PDE4DIP: variants seen among roughly 807,000 people sequenced by gnomAD.
PDE4DIP encodes myomegalin.
A neutral mutation model predicts 221.4 loss-of-function variants in PDE4DIP; 59 were observed. The observed-to-expected ratio is 0.27, with a 90% confidence interval of 0.22 to 0.33. The LOEUF (loss-of-function observed/expected upper bound fraction) is 0.33, where lower values mean the gene tolerates loss of function less well. PDE4DIP is among the 10% of genes least tolerant of loss of function. The probability of loss-of-function intolerance (pLI) is 1.00; values close to 1 mark genes in which losing one functional copy is unlikely to be tolerated. For synonymous variants in PDE4DIP, 404 were observed against 815.9 expected (o/e 0.50, Z 8.60); for missense variants, 1,036 against 2,154.2 (o/e 0.48, Z 10.28).
In PDE4DIP at chr1:149,029,781, A is replaced by T; in HGVS notation, c.6814-6A>T. 1 of 1,421,208 alleles carries T rather than the reference A, an allele frequency of 7.0e-7. No individual in the cohort carries two copies. The highest frequency in any genetic ancestry group is 1.2e-5 in the South Asian group (1 of 86,184). 88.0% of individuals were successfully genotyped at this position (1,421,208 alleles called of 1,614,324 possible). ...TGGTCAGTAAGAGTCTGTTCCTCTT[A>T]TCCAGGGAGAATCAACAGAAAGGGA... On this transcript the variant is annotated splice_region_variant and splice_polypyrimidine_tract_variant and intron_variant, in intron 41 of 43. Transcript: ENST00000369354.
At chr1:148,817,924 C>A (rs1358814009) in intron 1 of PDE4DIP, among the ~76,000 whole-genome samples, 1 of 141,586 alleles carries the variant, frequency 7.1e-6, no homozygotes, top group East Asian at 2.0e-4. Context: ...ACAAGCAATT[C>A]TCCTGTCTCA....
At chr1:149,009,857 C>T (rs1413427994) in intron 30 of PDE4DIP, 66 bp downstream of exon 33, 1 of 1,132,342 alleles carries the variant, frequency 8.8e-7, no homozygotes, top group Non-Finnish European at 1.3e-6. Context: ...GGAAACAGGG[C>T]TTATAGCTCC....
chr1:148,954,868 T>A (rs2054772271), intron 5 of PDE4DIP, among the ~76,000 whole-genome samples: 2 of 152,258 alleles, frequency 1.3e-5, no homozygotes, highest in Admixed American at 1.3e-4. Context: ...GTAGATGTGA[T>A]CTAGAAGGCA....
chr1:148,942,280 CT>C (rs1468507416), intron 5 of PDE4DIP: 4 of 151,596 alleles, frequency 2.6e-5, no homozygotes, highest in South Asian at 4.2e-4. Flanking sequence ...AAGACAGACA[CT>C]TTTGATAAAG....
Position 148,945,632 on chromosome 1 carries a change from G to A in PDE4DIP, c.636+7768G>A, listed in dbSNP as rs369212286. Among the ~76,000 whole-genome samples the A allele has an allele frequency of 3.0e-3, 449 of 152,192 alleles. 3 individuals carry two copies. The highest frequency in any genetic ancestry group is 0.01 in the African/African-American group (416 of 41,510). On this transcript the variant is annotated intron_variant, in intron 5 of 43. Transcript: ENST00000369354. ...TAGGACTGAGCACCAATGAACAAAAGTTCATAGTGTATGACTCTTAGTTCA... is the reference window on the plus strand; with the variant it reads ...TAGGACTGAGCACCAATGAACAAAAATTCATAGTGTATGACTCTTAGTTCA...
chr1:148,929,378 C>A, intron 2 of PDE4DIP, 105 bp downstream of exon 5: 2 of 1,435,014 alleles, frequency 1.4e-6, no homozygotes, highest in Non-Finnish European at 1.9e-6. Flanking sequence ...GCATTTGAAT[C>A]CTGTATCTGA....
intron 33 of PDE4DIP, 194 bp from the exon 37 acceptor site, chr1:149,017,554 T>C (rs2071101194): frequency 4.0e-6 from 2 of 495,186 alleles, no homozygotes; most frequent in Non-Finnish European, 7.1e-6. Context: ...GTGACTGTCA[T>C]GTGTTTGAAA....
chr1:148,975,268 A>C (rs587695200), intron 17 of PDE4DIP, among the ~76,000 whole-genome samples: 41 of 147,562 alleles, frequency 2.8e-4, no homozygotes, highest in Non-Finnish European at 4.0e-4. Flanking sequence ...AGATCCGTGA[A>C]ATTAGATTTA....
chr1:148,929,271 A>T, exon 2 of PDE4DIP: 8 of 1,609,982 alleles, frequency 5.0e-6, no homozygotes, highest in Non-Finnish European at 5.9e-6. Context: ...TGGATAAAAC[A>T]TGGTAAGTTG....
rs76075267 is a variant in PDE4DIP at position 149,031,800 on chromosome 1, C to T, written c.7000-144C>T. The T allele has an allele frequency of 3.6e-4, 270 of 746,620 alleles. 1 individual carries two copies. The highest frequency in any genetic ancestry group is 3.5e-3 in the East Asian group (132 of 37,308). 46.2% of individuals were successfully genotyped at this position (746,620 alleles called of 1,614,324 possible). A position where few individuals can be genotyped will look rare whatever the true frequency, so the allele number is the denominator to read the frequency against. ...CACCTGTTGCTCCTCCAGACTGCAG[C>T]GCATGCTCTTAGCTCATCCTCTTAA... On this transcript the variant is annotated intron_variant, in intron 43 of 43. Coordinates refer to ENST00000369354, the Ensembl canonical transcript of PDE4DIP.
In PDE4DIP at chr1:148,998,108, T is replaced by C. The variant is rs782678213; in HGVS notation, c.2905-35T>C. On this transcript the variant is annotated intron_variant, in intron 22 of 43. Coordinates refer to ENST00000369354, the Ensembl canonical transcript of PDE4DIP. ...CATGTTTCTCTTGGGTCCTCTTTAATGGCCTAACTTCTTCAAACCATGATT... is the reference window on the plus strand; with the variant it reads ...CATGTTTCTCTTGGGTCCTCTTTAACGGCCTAACTTCTTCAAACCATGATT... 7 of 831,796 alleles carry C rather than the reference T, an allele frequency of 8.4e-6. No homozygotes were observed. In the East Asian group the frequency reaches 1.2e-4, roughly 15 times the overall value. The allele number at this position is 831,796 out of a possible 1,614,324, so 51.5% of individuals were successfully genotyped here. A position where few individuals can be genotyped will look rare whatever the true frequency, so the allele number is the denominator to read the frequency against.
chr1:149,030,110 T>C lies in PDE4DIP; in HGVS notation c.6953-122T>C, dbSNP rs1233011584. On this transcript the variant is annotated intron_variant, in intron 42 of 43. Transcript: ENST00000369354. The stretch of plus-strand genomic sequence containing the variant: ...GAGGGAGGGGAGGACAGGGGGTGGA[T>C]AGAAGGAGACTCCAAGCTGAATAGC... 5 of 931,928 alleles carry C rather than the reference T, an allele frequency of 5.4e-6. No individual in the cohort carries two copies. In the Admixed American group the frequency reaches 1.0e-4, roughly 19 times the overall value. 57.7% of individuals were successfully genotyped at this position (931,928 alleles called of 1,614,324 possible). A position where few individuals can be genotyped will look rare whatever the true frequency, so the allele number is the denominator to read the frequency against.
chr1:148,816,300 AAAG>A (rs1667756047), intron 1 of PDE4DIP, among the ~76,000 whole-genome samples: 1 of 151,772 alleles, frequency 6.6e-6, no homozygotes, highest in African/African-American at 2.4e-5. Context: ...TTGGGTTGCA[AAAG>A]AAGAGGGATT....
intron 1 of PDE4DIP, among the ~76,000 whole-genome samples, chr1:148,827,820 A>G (rs1187083335): frequency 1.4e-5 from 1 of 72,318 alleles, no homozygotes; most frequent in African/African-American, 4.0e-5. Flanking sequence ...CAACTTTACT[A>G]TATGTTGAAA....
chr1:148,962,207 G>C lies in PDE4DIP; in HGVS notation c.900G>C (p.Leu300Phe), dbSNP rs140441274. 1.9e-5 allele frequency: 16 copies of C among 839,456 alleles called. No individual in the cohort carries two copies. In the African/African-American group the frequency reaches 2.4e-4, roughly 12 times the overall value. 52.0% of individuals were successfully genotyped at this position (839,456 alleles called of 1,614,324 possible). Reference sequence around the variant, plus strand: ...TCTCTCATTTTCAGACTGAGGAGTTGTACCAGGTAATTGAAGGTCAAAATG... The same window carrying C: ...TCTCTCATTTTCAGACTGAGGAGTTCTACCAGGTAATTGAAGGTCAAAATG... Residue 300 changes from leucine (L) to phenylalanine (F), a missense_variant, in exon 8 of 44, where the codon TTG becomes TTC. Transcript: ENST00000369354.
chr1:148,980,296 G>T (rs1425464185), intron 20 of PDE4DIP, among the ~76,000 whole-genome samples: 1 of 152,150 alleles, frequency 6.6e-6, no homozygotes, highest in Non-Finnish European at 1.5e-5. Flanking sequence ...GGAAGCTGAG[G>T]CAGGAGACAC....
chr1:149,001,623 C>T (rs150222697), exon 24 of PDE4DIP: 13 of 1,612,742 alleles, frequency 8.1e-6, no homozygotes, highest in East Asian at 2.2e-5. Flanking sequence ...CTTGAGAATG[C>T]GGAGCTGAAA....
chr1:148,935,212 C>G (rs1472435368), intron 4 of PDE4DIP, among the ~76,000 whole-genome samples: 17 of 140,944 alleles, frequency 1.2e-4, no homozygotes, highest in African/African-American at 4.2e-4. Flanking sequence ...GACTCCATCT[C>G]AAAAAAAAAA....
intron 5 of PDE4DIP, among the ~76,000 whole-genome samples, chr1:148,940,647 G>A (rs2050316305): frequency 6.6e-6 from 1 of 151,966 alleles, no homozygotes; most frequent in South Asian, 2.1e-4. Flanking sequence ...ACCATGCTGA[G>A]GTACACTGTG....
Sources: gnomAD v4.1 joint callset for allele counts (sites outside exome capture counted in the v4.1 genomes callset) on GRCh38, gnomAD v4.1.1 for gene constraint, MANE v1.5 for transcripts, NCBI Gene and HGNC (gene_info 2026-07-23, HGNC 2026-07-21) for gene names.